The following HDAC9 variants were observed in gnomAD, a reference collection of about 807,000 sequenced individuals.
The protein encoded by HDAC9 is MEF-2 interacting transcription repressor (MITR) protein.
A neutral mutation model predicts 139.4 loss-of-function variants in HDAC9; 41 were observed. The observed-to-expected ratio is 0.29, with a 90% CI of 0.23 to 0.38. The LOEUF (loss-of-function observed/expected upper bound fraction) is 0.38, where lower values mean the gene tolerates loss of function less well. HDAC9 is among the 10% of genes least tolerant of loss of function. The pLI is 1.00. For missense variants in HDAC9, 1,147 were observed against 1,297.0 expected (o/e 0.88, Z 1.78); for synonymous variants, 517 against 476.2 (o/e 1.09, Z -1.12).
intron 2 of HDAC9, among the ~76,000 whole-genome samples, chr7:18,563,868 G>C (rs902144525): frequency 8.5e-6 from 1 of 117,254 alleles, no homozygotes; most frequent in Non-Finnish European, 1.7e-5. Context: ...ACGGATTCTT[G>C]CTGTGTCTCC....
intron 22 of HDAC9, among the ~76,000 whole-genome samples, chr7:18,919,654 A>C (rs1445409202): frequency 6.6e-6 from 1 of 152,022 alleles, no homozygotes; most frequent in African/African-American, 2.4e-5. Context: ...GGGGAGAAGC[A>C]AAAGACCAGG....
chr7:18,579,481 C>T (rs1827095455), intron 2 of HDAC9, among the ~76,000 whole-genome samples: 1 of 152,172 alleles, frequency 6.6e-6, no homozygotes, highest in Non-Finnish European at 1.5e-5. Flanking sequence ...CACAGGTTTC[C>T]ATGCATGAAG....
chr7:18,103,938 C>A (rs1249193076), intron 1 of HDAC9, among the ~76,000 whole-genome samples: 2 of 152,216 alleles, frequency 1.3e-5, no homozygotes, highest in Non-Finnish European at 2.9e-5. Context: ...CCGATCCCAG[C>A]AGTTCAGGGC....
chr7:18,843,630 C>A lies in HDAC9; in HGVS notation c.2684+7633C>A, dbSNP rs181309136. ...CTTCATTGAACAGCTGTTTTTCAAC[C>A]AAATTTCAATGTCTTTGGGTCATAG... is the stretch of plus-strand genomic sequence containing the variant. On this transcript the variant is annotated intron_variant, in intron 21 of 25. Coordinates refer to ENST00000686413, the MANE Select transcript of HDAC9 (RefSeq NM_178425.4). 3.0e-4 allele frequency among the ~76,000 whole-genome samples: 46 copies of A among 151,828 alleles called. No homozygotes were observed. The East Asian group carries it at 8.7e-3, about 29-fold the overall frequency.
intron 2 of HDAC9, among the ~76,000 whole-genome samples, chr7:18,183,847 G>C (rs1789697535): frequency 1.3e-5 from 2 of 152,004 alleles, no homozygotes; most frequent in Non-Finnish European, 2.9e-5. Context: ...AAGTATCCTG[G>C]GCTGTTGAGT....
At chr7:18,360,995 A>G (rs751584033) in intron 1 of HDAC9, among the ~76,000 whole-genome samples, 15 of 152,312 alleles carry the variant, frequency 9.8e-5, no homozygotes, top group Middle Eastern at 3.4e-3. Context: ...TTAAGGGGCA[A>G]ATTTTCAGTT....
rs376441771 is a variant in HDAC9, at chr7:18,223,071, T to C, written c.25+60722T>C. On this transcript the variant is annotated intron_variant, in intron 2 of 12. Coordinates refer to the HDAC9 transcript ENST00000417496. ...TGCCAGTCAGGTGAGAAAAAAGAAATGTATTTCTTTGATTATTAGTGTAGT... is the reference window on the plus strand; with the variant it reads ...TGCCAGTCAGGTGAGAAAAAAGAAACGTATTTCTTTGATTATTAGTGTAGT... 7.9e-5 allele frequency among the ~76,000 whole-genome samples: 12 copies of C among 152,202 alleles called. No individual in the cohort carries two copies. The East Asian group carries it at 9.7e-4, about 12-fold the overall frequency.
At chr7:18,736,242 A>G (rs1238037683) in intron 13 of HDAC9, among the ~76,000 whole-genome samples, 1 of 152,146 alleles carries the variant, frequency 6.6e-6, no homozygotes. Context: ...CTCTTGCCTG[A>G]TTGCCCTGGC....
At chr7:18,788,928 A>G (rs969867173) in intron 16 of HDAC9, among the ~76,000 whole-genome samples, 2 of 151,948 alleles carry the variant, frequency 1.3e-5, no homozygotes, top group African/African-American at 4.8e-5. Flanking sequence ...ACCAGAAGAG[A>G]TGGATTTTAG....
chr7:18,900,168 A>C (rs1206923923), intron 22 of HDAC9, among the ~76,000 whole-genome samples: 1 of 152,182 alleles, frequency 6.6e-6, no homozygotes, highest in Non-Finnish European at 1.5e-5. Flanking sequence ...CTTAATTTCA[A>C]GTCTACAAAA....
At chr7:18,755,081 A>G (rs1024392103) in intron 14 of HDAC9, among the ~76,000 whole-genome samples, 4 of 152,156 alleles carry the variant, frequency 2.6e-5, no homozygotes, top group African/African-American at 9.7e-5. Context: ...TAACCACAAA[A>G]CAGAGAGAAA....
intron 1 of HDAC9, among the ~76,000 whole-genome samples, chr7:18,465,267 A>G (rs1794174531): frequency 6.6e-6 from 1 of 151,944 alleles, no homozygotes; most frequent in Non-Finnish European, 1.5e-5. Flanking sequence ...ATTTCTAAAG[A>G]TTCCCATTAT....
rs141615480 is a variant in HDAC9, at chr7:18,276,016, A to G, written c.25+113667A>G. The stretch of plus-strand genomic sequence containing the variant: ...TAGACTCTCGGTAAACATATGTTTA[A>G]TAAATGATTGAATGAATATGCACTT... On this transcript the variant is annotated intron_variant, in intron 2 of 12. Transcript: ENST00000417496. 5.5e-3 allele frequency among the ~76,000 whole-genome samples: 844 copies of G among 152,322 alleles called. 5 individuals carry two copies. The highest frequency in any genetic ancestry group is 5.5e-3 in the Non-Finnish European group (374 of 68,024).
At chr7:18,438,693 CTGTG>C (rs367824633) in intron 1 of HDAC9, among the ~76,000 whole-genome samples, 3 of 147,720 alleles carry the variant, frequency 2.0e-5, no homozygotes, top group South Asian at 2.2e-4. Context: ...TATAATGTGT[CTGTG>C]TGTGTGTGTG....
Position 18,920,325 on chromosome 7 carries a change from AT to A in HDAC9, c.2804-15479del, listed in dbSNP as rs1803582156. 2.6e-5 allele frequency among the ~76,000 whole-genome samples: 4 copies of A among 152,156 alleles called. No homozygotes were observed. In the East Asian group the frequency reaches 7.8e-4, roughly 29 times the overall value. On this transcript the variant is annotated intron_variant, in intron 22 of 25. Coordinates refer to ENST00000686413, the MANE Select transcript of HDAC9 (RefSeq NM_178425.4). ...TTGTTGGTGTATAAGAATGCTTGTG[AT>A]TTTTACACATTGATTTTGTATCCTG...
In HDAC9 at chr7:18,777,190, G is replaced by A. The variant is rs112208733; in HGVS notation, c.2214+10035G>A. 7.6e-3 allele frequency among the ~76,000 whole-genome samples: 1,149 copies of A among 152,088 alleles called. 13 individuals carry two copies. The highest frequency in any genetic ancestry group is 0.026 in the African/African-American group (1,069 of 41,524). Reference sequence around the variant, plus strand: ...GGTAGTTCCAGATCTTAGCAGCACTGTGTGCTTTGGGGTTCCAAGTCCCTG... The same window carrying A: ...GGTAGTTCCAGATCTTAGCAGCACTATGTGCTTTGGGGTTCCAAGTCCCTG... On this transcript the variant is annotated intron_variant, in intron 16 of 25. Transcript: ENST00000686413.
chr7:18,368,983 C>A (rs1182814081), intron 1 of HDAC9, among the ~76,000 whole-genome samples: 1 of 152,070 alleles, frequency 6.6e-6, no homozygotes, highest in African/African-American at 2.4e-5. Context: ...ATCTACTAAA[C>A]CCATTTTTCA....
chr7:18,662,479 T>A (rs1228599742), intron 11 of HDAC9, among the ~76,000 whole-genome samples: 2 of 152,008 alleles, frequency 1.3e-5, no homozygotes, highest in African/African-American at 2.4e-5. Context: ...AGTGAGAGCA[T>A]TCCAGCAGAG....
At chr7:18,689,266 A>G (rs1163470837) in intron 12 of HDAC9, among the ~76,000 whole-genome samples, 2 of 151,980 alleles carry the variant, frequency 1.3e-5, no homozygotes, top group East Asian at 3.9e-4. Context: ...ACCGTAGGAT[A>G]AATAATGAGT....
Sources: allele counts gnomAD v4.1 joint callset (sites outside exome capture counted in the v4.1 genomes callset), GRCh38; gene constraint gnomAD v4.1.1; transcripts MANE v1.5; gene names NCBI Gene and HGNC (gene_info 2026-07-23, HGNC 2026-07-21).